Variants in PCDHGA7 observed in about 807,000 individuals in gnomAD.
PCDHGA7 encodes protocadherin gamma-A7.
Under a neutral mutation model 58.3 loss-of-function variants are expected in PCDHGA7, and 44 were observed. The ratio of observed to expected loss-of-function variants is 0.75; its 90% CI spans 0.59 to 0.97. The LOEUF (loss-of-function observed/expected upper bound fraction) is 0.97. Among genes scored for constraint, PCDHGA7 ranks in the 50% least tolerant of loss-of-function variants. The pLI is 0.00. For missense variants in PCDHGA7, 1,266 were observed against 1,188.7 expected, an observed-to-expected ratio of 1.06 and a Z score of -0.96; for synonymous variants, 516 against 504.2, an observed-to-expected ratio of 1.02 and a Z score of -0.31.
intron 1 of PCDHGA7, among the ~76,000 whole-genome samples, chr5:141,482,981 A>T (rs1377809325): frequency 6.7e-6 from 1 of 150,250 alleles, no homozygotes; most frequent in Admixed American, 6.6e-5. Flanking sequence ...GCTACTTGAG[A>T]GGTCGAGGCA....
Position 141,511,186 on chromosome 5 carries a change from G to A in PCDHGA7, c.*13G>A. 1 of 1,613,906 alleles carries A rather than the reference G, an allele frequency of 6.2e-7. No individual in the cohort carries two copies. The highest frequency in any genetic ancestry group is 8.5e-7 in the Non-Finnish European group (1 of 1,179,890). ...GGAGAAGAAGTAACATGGAGGCCAG[G>A]CCAAGAGCCACAGGGCGGCCTCTCC... On this transcript the variant is annotated 3_prime_UTR_variant, in exon 4 of 4. Transcript: ENST00000518325.
At chr5:141,501,147 G>A (rs1166199034) in intron 2 of PCDHGA7, among the ~76,000 whole-genome samples, 1 of 152,142 alleles carries the variant, frequency 6.6e-6, no homozygotes, top group Non-Finnish European at 1.5e-5. Context: ...GATTACAGGT[G>A]GGAGCCACCA....
In PCDHGA7 at chr5:141,432,512, G is replaced by A. The variant is rs751785850; in HGVS notation, c.2424+47189G>A. ...GCTGGCTCCCCGCTCCGCAGAGCCC[G>A]GCTACCTGGTGACCAAGGTGGTGGC... On this transcript the variant is annotated intron_variant, in intron 1 of 3. Transcript: ENST00000518325. The surrounding 1 kb of genome is among the most constrained non-coding windows in gnomAD (Gnocchi z 6.0). 3 of 1,614,108 alleles carry A rather than the reference G, an allele frequency of 1.9e-6. No homozygotes were observed. Among genetic ancestry groups the A allele is most frequent in the Non-Finnish European group, 2.5e-6 (3 of 1,180,030 alleles).
chr5:141,382,896 G>C lies in PCDHGA7; in HGVS notation c.-4G>C, dbSNP rs754850386. The C allele has an allele frequency of 8.5e-6, 13 of 1,537,678 alleles. No individual in the cohort carries two copies. Among genetic ancestry groups the C allele is most frequent in the Non-Finnish European group, 1.1e-5 (13 of 1,144,170 alleles). On this transcript the variant is annotated 5_prime_UTR_variant, in exon 1 of 4. Coordinates refer to ENST00000518325, the MANE Select transcript of PCDHGA7 (RefSeq NM_018920.4). ...GGCGCCTAAGCAAGAGAAGCAGGAC[G>C]ACTATGGCGGCTCAGCCGAGGGGCG...
At position 141,383,202 on chromosome 5, in the gene PCDHGA7, G is replaced by A; in HGVS notation, c.303G>A (p.Arg101=). 6.2e-7 allele frequency: 1 copy of A among 1,614,060 alleles called. No individual in the cohort carries two copies. The part of the protein sequence containing the change: ...DREEICAQSA[R]CLVNFNILME... Reference sequence around the variant, plus strand: ...AAGAGATCTGCGCTCAGAGTGCGCGGTGTCTGGTAAACTTTAACATCCTGA... The same window carrying A: ...AAGAGATCTGCGCTCAGAGTGCGCGATGTCTGGTAAACTTTAACATCCTGA... Residue 101 remains arginine, a synonymous_variant, in exon 1 of 4, where the codon CGG becomes CGA. Coordinates refer to ENST00000518325, the MANE Select transcript of PCDHGA7 (RefSeq NM_018920.4).
chr5:141,423,927 T>A, intron 1 of PCDHGA7: 1 of 1,240,434 alleles, frequency 8.1e-7, no homozygotes, highest in Non-Finnish European at 1.0e-6. Context: ...TATGCTGGTT[T>A]GGTTTGAAGT....
intron 1 of PCDHGA7, among the ~76,000 whole-genome samples, chr5:141,455,749 C>A (rs2098830563): frequency 6.6e-6 from 1 of 152,086 alleles, no homozygotes; most frequent in Non-Finnish European, 1.5e-5. Context: ...AGGTTGCTGG[C>A]CTGGCTCCTA....
At chr5:141,445,357 G>A (rs115045385) in intron 1 of PCDHGA7, among the ~76,000 whole-genome samples, 18 of 152,258 alleles carry the variant, frequency 1.2e-4, no homozygotes, top group Admixed American at 1.1e-3. Context: ...GTCTGCCCAA[G>A]TCTGGTCCTG....
intron 1 of PCDHGA7, among the ~76,000 whole-genome samples, chr5:141,460,807 A>G (rs2098998307): frequency 6.6e-6 from 1 of 151,962 alleles, no homozygotes; most frequent in Non-Finnish European, 1.5e-5. Context: ...ATATATATGT[A>G]TGTATACATA....
At position 141,409,359 on chromosome 5, in the gene PCDHGA7, T is replaced by C. The variant is rs371907890; in HGVS notation, c.2424+24036T>C. ...GGAAATGGAGAAGTCAGGTGTAATA[T>C]AGAAACAGACATTCCATTCAAGATT... On this transcript the variant is annotated intron_variant, in intron 1 of 3. Coordinates refer to ENST00000518325, the MANE Select transcript of PCDHGA7 (RefSeq NM_018920.4). 6.8e-6 allele frequency: 11 copies of C among 1,614,026 alleles called. No individual in the cohort carries two copies. The highest frequency in any genetic ancestry group is 8.5e-6 in the Non-Finnish European group (10 of 1,179,908).
At chr5:141,426,448 C>T (rs1289310586) in intron 1 of PCDHGA7, 4 of 307,946 alleles carry the variant, frequency 1.3e-5, no homozygotes, top group Middle Eastern at 1.2e-3. Context: ...GGAGGACATG[C>T]GGCTGCATGT....
In PCDHGA7 at chr5:141,404,353, A is replaced by G. The variant is rs778714799; in HGVS notation, c.2424+19030A>G. ...TCTACCTCCCGGAAAACAACGCCAGAGGTACTTCCATCTTCTCCGTGATTG... is the reference window on the plus strand; with the variant it reads ...TCTACCTCCCGGAAAACAACGCCAGGGGTACTTCCATCTTCTCCGTGATTG... On this transcript the variant is annotated intron_variant, in intron 1 of 3. Coordinates refer to ENST00000518325, the MANE Select transcript of PCDHGA7 (RefSeq NM_018920.4). 2.0e-5 allele frequency: 33 copies of G among 1,613,948 alleles called. No individual in the cohort carries two copies. In the Admixed American group the frequency reaches 5.5e-4, roughly 27 times the overall value.
intron 1 of PCDHGA7, among the ~76,000 whole-genome samples, chr5:141,452,388 A>G (rs892688242): frequency 3.9e-5 from 6 of 152,210 alleles, no homozygotes; most frequent in Non-Finnish European, 5.9e-5. Flanking sequence ...TAGTATTTAG[A>G]AACTAAGATC....
In PCDHGA7 at chr5:141,415,645, A is replaced by T. The variant is rs200555070; in HGVS notation, c.2424+30322A>T. On this transcript the variant is annotated intron_variant, in intron 1 of 3. Transcript: ENST00000518325. The stretch of plus-strand genomic sequence containing the variant: ...TATTTTCATTTTTACTTTTGTTAAA[A>T]AAAAAAAGATTGGTTTTTACTTTGA... The T allele has an allele frequency of 3.5e-3, 5,682 of 1,600,720 alleles. 22 individuals carry two copies. The highest frequency in any genetic ancestry group is 5.0e-3 in the Middle Eastern group (30 of 6,044).
In PCDHGA7 at chr5:141,485,569, T is replaced by C; in HGVS notation, c.2425-9238T>C. The C allele has an allele frequency of 6.2e-7, 1 of 1,612,664 alleles. No individual in the cohort carries two copies. Among genetic ancestry groups the C allele is most frequent in the Non-Finnish European group, 8.5e-7 (1 of 1,178,890 alleles). ...TAGATGTGAATGATCACGCCCCCCG[T>C]TTTCCGCGGCAGCAGCTGGACTTGG... On this transcript the variant is annotated intron_variant, in intron 1 of 3. Coordinates refer to ENST00000518325, the MANE Select transcript of PCDHGA7 (RefSeq NM_018920.4). This position sits in a 1 kb window ranked among gnomAD's most constrained non-coding sequence, Gnocchi z 5.7.
rs2098098668 is a variant in PCDHGA7, at chr5:141,439,210, T to C, written c.2424+53887T>C. Among the ~76,000 whole-genome samples the C allele has an allele frequency of 4.0e-5, 6 of 150,296 alleles. No homozygotes were observed. The Middle Eastern group carries it at 0.014, about 343-fold the overall frequency. On this transcript the variant is annotated intron_variant, in intron 1 of 3. Transcript: ENST00000518325. The stretch of plus-strand genomic sequence containing the variant: ...TCTGACAAAAAAAAAAAAAAATCCA[T>C]ATGTGAAAATTCTTAGAAGCTTCCT...
chr5:141,487,822 G>C lies in PCDHGA7; in HGVS notation c.2425-6985G>C. On this transcript the variant is annotated intron_variant, in intron 1 of 3. Coordinates refer to ENST00000518325, the MANE Select transcript of PCDHGA7 (RefSeq NM_018920.4). The surrounding 1 kb of genome is among the most constrained non-coding windows in gnomAD (Gnocchi z 5.0). ...TGTCACAGTTTAGCATTGGGGGCGGGTCATGCCTATATCTGAGTAAGAAAT... is the reference window on the plus strand; with the variant it reads ...TGTCACAGTTTAGCATTGGGGGCGGCTCATGCCTATATCTGAGTAAGAAAT... 1 of 1,278,758 alleles carries C rather than the reference G, an allele frequency of 7.8e-7. No individual in the cohort carries two copies. The highest frequency in any genetic ancestry group is 1.4e-5 in the South Asian group (1 of 69,172). The allele number at this position is 1,278,758 out of a possible 1,614,324, so 79.2% of individuals were successfully genotyped here. A position where few individuals can be genotyped will look rare whatever the true frequency, so the allele number is the denominator to read the frequency against.
chr5:141,471,646 G>C (rs935284198), intron 1 of PCDHGA7: 1 of 152,108 alleles, frequency 6.6e-6, no homozygotes, highest in Non-Finnish European at 1.5e-5. Flanking sequence ...GTAATATACT[G>C]GATGTGGGGA....
chr5:141,421,203 G>T, intron 1 of PCDHGA7: 1 of 1,522,612 alleles, frequency 6.6e-7, no homozygotes, highest in Non-Finnish European at 8.8e-7. Flanking sequence ...TCGAGAAACC[G>T]CGGAATATCG....
Sources: gnomAD v4.1 joint callset for allele counts (sites outside exome capture counted in the v4.1 genomes callset) on GRCh38, gnomAD v4.1.1 for gene constraint, Gnocchi (gnomAD v3.1) non-coding constraint, MANE v1.5 for transcripts, NCBI Gene and HGNC (gene_info 2026-07-23, HGNC 2026-07-21) for gene names.